Variants in UXS1 observed in about 807,000 individuals in gnomAD.
The protein encoded by UXS1 is UDP-glucuronic acid decarboxylase 1.
UXS1 carries 33 observed loss-of-function variants against 62.6 expected under a neutral mutation model. The ratio of observed to expected loss-of-function variants is 0.53; its 90% confidence interval spans 0.40 to 0.70. The LOEUF is 0.70. Among genes scored for constraint, UXS1 ranks in the 30% least tolerant of loss-of-function variants. The pLI is 0.00. For missense variants in UXS1, 434 were observed against 556.3 expected (o/e 0.78, Z 2.21); for synonymous variants, 213 against 206.8 (o/e 1.03, Z -0.26).
intron 12 of UXS1, 72 bp from the exon 13 acceptor site, chr2:106,098,845 T>C (rs1677345149): frequency 7.1e-7 from 1 of 1,416,408 alleles, no homozygotes; most frequent in Admixed American, 1.9e-5. Flanking sequence ...ACCACAGGCG[T>C]GTCTGCAGAG....
chr2:106,152,771 T>A (rs1682138560), intron 5 of UXS1, among the ~76,000 whole-genome samples: 1 of 152,104 alleles, frequency 6.6e-6, no homozygotes. Flanking sequence ...AAGGGCCACT[T>A]AGCAGTACTT....
intron 10 of UXS1, among the ~76,000 whole-genome samples, chr2:106,111,555 G>A (rs972097991): frequency 2.0e-5 from 3 of 152,160 alleles, no homozygotes; most frequent in African/African-American, 7.2e-5. Flanking sequence ...GAAGAGCGGG[G>A]GCTCTGGCTT....
chr2:106,114,128 G>T (rs944232902), intron 9 of UXS1, among the ~76,000 whole-genome samples: 1 of 152,120 alleles, frequency 6.6e-6, no homozygotes, highest in Admixed American at 6.5e-5. Flanking sequence ...TGACACGGCC[G>T]CCACCTCGGC....
rs1438006561 is a variant in UXS1, at chr2:106,129,726, A to G, written c.525T>C (p.Tyr175=). The change falls in exon 7 of 15, where the codon TAT becomes TAC. Residue 175 remains tyrosine (Y), a synonymous_variant. Coordinates refer to ENST00000283148, the MANE Select transcript of UXS1 (RefSeq NM_001253875.2). ...TGGTCTTTAATGTCTTGATAGGATTATACATGTAGTTTGGAGGGGAGGCTG... is the reference window on the plus strand; with the variant it reads ...TGGTCTTTAATGTCTTGATAGGATTGTACATGTAGTTTGGAGGGGAGGCTG... The part of the protein sequence containing the change: ...ASPASPPNYM[Y]NPIKTLKTNT... 1 of 1,612,438 alleles carries G rather than the reference A, an allele frequency of 6.2e-7. No individual in the cohort carries two copies. Among genetic ancestry groups the G allele is most frequent in the South Asian group, 1.1e-5 (1 of 90,614 alleles).
At chr2:106,140,246 C>T (rs1680990153) in intron 6 of UXS1, among the ~76,000 whole-genome samples, 1 of 152,186 alleles carries the variant, frequency 6.6e-6, no homozygotes, top group Non-Finnish European at 1.5e-5. Context: ...GGCTCACCTT[C>T]CCTGTGAAGC....
At chr2:106,175,730 C>A (rs985916934) in intron 1 of UXS1, among the ~76,000 whole-genome samples, 1 of 152,144 alleles carries the variant, frequency 6.6e-6, no homozygotes, top group African/African-American at 2.4e-5. Context: ...AAGGTCCAGA[C>A]CTGCCAGTGA....
rs1323199535 is a variant in UXS1 at position 106,093,998 on chromosome 2, G to A, written c.*28C>T. On this transcript the variant is annotated 3_prime_UTR_variant, in exon 15 of 15. Transcript: ENST00000283148. The stretch of plus-strand genomic sequence containing the variant: ...AATACATCCCATCAAGTGTACAATG[G>A]TAGTCTTGTGTCCTAAAAGTGAGGA... The A allele has an allele frequency of 6.3e-7, 1 of 1,587,210 alleles. No individual in the cohort carries two copies. The highest frequency in any genetic ancestry group is 8.5e-7 in the Non-Finnish European group (1 of 1,171,376).
At chr2:106,109,243 T>C (rs749491220) in intron 10 of UXS1, among the ~76,000 whole-genome samples, 10 of 152,132 alleles carry the variant, frequency 6.6e-5, no homozygotes, top group Non-Finnish European at 1.5e-4. Flanking sequence ...AAAGTCTTCC[T>C]CACCATACTT....
intron 5 of UXS1, among the ~76,000 whole-genome samples, chr2:106,148,977 G>T (rs1310454355): frequency 6.6e-6 from 1 of 152,164 alleles, no homozygotes; most frequent in East Asian, 1.9e-4. Flanking sequence ...AGCTAAAGTG[G>T]TCTAGTTCAA....
intron 9 of UXS1, among the ~76,000 whole-genome samples, chr2:106,115,691 A>G (rs1404424507): frequency 2.6e-5 from 4 of 152,204 alleles, no homozygotes; most frequent in African/African-American, 9.7e-5. Flanking sequence ...CAAGGAAGTC[A>G]CTTCAGTTTC....
intron 1 of UXS1, among the ~76,000 whole-genome samples, chr2:106,192,766 T>C (rs553348439): frequency 1.3e-5 from 2 of 152,048 alleles, no homozygotes; most frequent in South Asian, 4.2e-4. Context: ...TTTCCTAATC[T>C]CTCTTGGCCT....
intron 1 of UXS1, among the ~76,000 whole-genome samples, chr2:106,192,222 G>A (rs1684976272): frequency 6.6e-6 from 1 of 152,222 alleles, no homozygotes; most frequent in Non-Finnish European, 1.5e-5. Context: ...ACAACAGTAA[G>A]GACTTGGTAA....
At chr2:106,100,990 T>G (rs1245739257) in intron 12 of UXS1, 68 bp downstream of exon 12, 1 of 1,584,494 alleles carries the variant, frequency 6.3e-7, no homozygotes, top group Admixed American at 1.7e-5. Context: ...AGCCTGGTGC[T>G]GCTCATGGTT....
rs1047066209 is a variant in UXS1 at position 106,130,997 on chromosome 2, G to A, written c.473-1219C>T. Among the ~76,000 whole-genome samples, 11 of 152,022 alleles carry A rather than the reference G, an allele frequency of 7.2e-5. 1 individual carries two copies. In the South Asian group the frequency reaches 2.1e-3, roughly 29 times the overall value. On this transcript the variant is annotated intron_variant, in intron 6 of 14. Transcript: ENST00000283148. ...TTCTGCATTTCCATCTGAGGTTCCG[G>A]GTTCATCTCACTAGGGAGTGCCAGA...
intron 1 of UXS1, among the ~76,000 whole-genome samples, chr2:106,192,171 G>C (rs1684973554): frequency 6.6e-6 from 1 of 152,216 alleles, no homozygotes. Context: ...GACCAGTTAA[G>C]TTTTAGCACC....
chr2:106,138,634 C>T (rs1292945703), intron 6 of UXS1: 2 of 985,378 alleles, frequency 2.0e-6, no homozygotes, highest in African/African-American at 1.7e-5. Flanking sequence ...GTTTTTCCAT[C>T]CCCAAAGGCC....
intron 7 of UXS1, among the ~76,000 whole-genome samples, chr2:106,127,952 C>A (rs562732763): frequency 6.6e-6 from 1 of 152,132 alleles, no homozygotes; most frequent in Non-Finnish European, 1.5e-5. Flanking sequence ...GTATCATCGA[C>A]GCTTGTGCCC....
At chr2:106,150,295 G>A (rs1178113135) in intron 5 of UXS1, among the ~76,000 whole-genome samples, 1 of 152,226 alleles carries the variant, frequency 6.6e-6, no homozygotes, top group Non-Finnish European at 1.5e-5. Context: ...AAGTGTGCAA[G>A]AGTGCAGACA....
intron 9 of UXS1, among the ~76,000 whole-genome samples, chr2:106,114,003 A>G (rs1164905160): frequency 6.6e-6 from 1 of 152,214 alleles, no homozygotes; most frequent in Non-Finnish European, 1.5e-5. Context: ...TGGGAATCCA[A>G]TGAACCCTTA....
Sources: allele counts gnomAD v4.1 joint callset (sites outside exome capture counted in the v4.1 genomes callset), GRCh38; gene constraint gnomAD v4.1.1; transcripts MANE v1.5; gene names NCBI Gene and HGNC (gene_info 2026-07-23, HGNC 2026-07-21).